Variants in ABCA10 observed in about 807,000 individuals in gnomAD.
The protein encoded by ABCA10 is ATP-binding cassette sub-family A member 10.
A neutral mutation model predicts 187.5 loss-of-function variants in ABCA10; 169 were observed. The observed-to-expected ratio is 0.90, with a 90% CI of 0.80 to 1.02. The LOEUF (loss-of-function observed/expected upper bound fraction) is 1.02. ABCA10 is among the 50% of genes least tolerant of loss of function. The probability of loss-of-function intolerance (pLI) is 0.00; values close to 1 mark genes in which losing one functional copy is unlikely to be tolerated. For synonymous variants in ABCA10, 574 were observed against 601.8 expected (o/e 0.95, Z 0.68); for missense variants, 1,727 against 1,812.4 (o/e 0.95, Z 0.86).
At chr17:69,201,095 A>T (rs971303117) in intron 10 of ABCA10, among the ~76,000 whole-genome samples, 14 of 152,234 alleles carry the variant, frequency 9.2e-5, no homozygotes, top group African/African-American at 3.4e-4. Flanking sequence ...TAAATTGTGA[A>T]GAGACCTTTT....
At chr17:69,222,047 G>A (rs913919529) in intron 4 of ABCA10, 152 bp from the exon 5 acceptor site, 30 of 619,788 alleles carry the variant, frequency 4.8e-5, no homozygotes, top group Non-Finnish European at 7.2e-5. Context: ...GTACTCTACA[G>A]AATTGGAGAA....
At chr17:69,151,122 C>A (rs1568046929) in intron 36 of ABCA10, among the ~76,000 whole-genome samples, 1 of 152,204 alleles carries the variant, frequency 6.6e-6, no homozygotes, top group Non-Finnish European at 1.5e-5. Context: ...GTCTACATCT[C>A]TTACTTTGGC....
In ABCA10 at chr17:69,149,988, C is replaced by A. The variant is rs1188662546; in HGVS notation, c.4473G>T (p.Glu1491Asp). ...TTTATATATACCCAAACTTACTCGCCTCTAACTTGAAAAAGGCCCGAGATA... is the reference window on the plus strand; with the variant it reads ...TTTATATATACCCAAACTTACTCGCATCTAACTTGAAAAAGGCCCGAGATA... ...HPLSRAFFKLEAMKQTFNLEE... is the reference protein window; with the variant it reads ...HPLSRAFFKLDAMKQTFNLEE... The change falls in exon 37 of 39, where the codon GAG becomes GAT. Residue 1491 changes from glutamate to aspartate, a missense_variant. Glu to Asp is a conservative substitution (Grantham distance 45, BLOSUM62 2). Coordinates refer to ENST00000690296, the MANE Select transcript of ABCA10 (RefSeq NM_001377321.1). 6.2e-7 allele frequency: 1 copy of A among 1,609,830 alleles called. No homozygotes were observed. Among genetic ancestry groups the A allele is most frequent in the Non-Finnish European group, 8.5e-7 (1 of 1,176,680 alleles).
intron 1 of ABCA10, chr17:69,235,126 T>C (rs2074859122): frequency 6.6e-6 from 1 of 152,206 alleles, no homozygotes; most frequent in Admixed American, 6.5e-5. Flanking sequence ...ACAACACCAT[T>C]TCTGGAGGTT....
chr17:69,197,047 G>GGAGA lies in ABCA10; in HGVS notation c.1234+16_1234+17insTCTC. 1 of 1,550,590 alleles carries GGAGA rather than the reference G, an allele frequency of 6.4e-7. No individual in the cohort carries two copies. The highest frequency in any genetic ancestry group is 2.3e-5 in the East Asian group (1 of 43,410). On this transcript the variant is annotated intron_variant, in intron 11 of 38. Transcript: ENST00000690296. ...GGGAGAGGGAGAGGGAGAGGGAGAG[G>GGAGA]GAGTTTTTCTTTTTACCTTGCAATG...
chr17:69,187,145 C>CT (rs1286255088), intron 19 of ABCA10, among the ~76,000 whole-genome samples: 2 of 152,106 alleles, frequency 1.3e-5, no homozygotes, highest in Non-Finnish European at 2.9e-5. Context: ...ACTCCCTCAG[C>CT]TTGTAAGATA....
chr17:69,210,845 C>CATATATATATATATATATATATAT lies in ABCA10; in HGVS notation c.1006+3858_1006+3859insATATATATATATATATATATATAT, dbSNP rs1568069877. On this transcript the variant is annotated intron_variant, in intron 9 of 38. Transcript: ENST00000690296. ...ATATATATATGCCACATATTTATGCCACATATATATATATATATATGCCAT... is the reference window on the plus strand; with the variant it reads ...ATATATATATGCCACATATTTATGCCATATATATATATATATATATATATACATATATATATATATATATGCCAT... 5.1e-3 allele frequency among the ~76,000 whole-genome samples: 68 copies of CATATATATATATATATATATATAT among 13,228 alleles called. 1 individual carries two copies. The highest frequency in any genetic ancestry group is 0.027 in the African/African-American group (64 of 2,352). The allele number at this position is 13,228 out of a possible 152,430, so 8.7% of individuals were successfully genotyped here.
rs374670778 is a variant in ABCA10, at chr17:69,193,227, T to A, written c.1663A>T (p.Thr555Ser). The A allele has an allele frequency of 5.6e-6, 9 of 1,613,686 alleles. No homozygotes were observed. Among genetic ancestry groups the A allele is most frequent in the East Asian group, 4.5e-5 (2 of 44,872 alleles). The part of the protein sequence containing the change: ...DPQVLLLDEP[T>S]AGLDPFSRHR... ...CTTGAAAAGGGATCCAATCCAGCAG[T>A]TGGTTCATCTAGCAGCAAAACCTAC... Residue 555 changes from threonine (T) to serine (S), a missense_variant, in exon 15 of 39, where the codon ACT (threonine) becomes TCT (serine). By Grantham distance (58) the Thr-to-Ser change is moderately conservative. Coordinates refer to ENST00000690296, the MANE Select transcript of ABCA10 (RefSeq NM_001377321.1).
rs529691051 is a variant in ABCA10, at chr17:69,183,373, G to A, written c.2498-565C>T. Among the ~76,000 whole-genome samples, 43 of 152,208 alleles carry A rather than the reference G, an allele frequency of 2.8e-4. 1 individual carries two copies. The South Asian group carries it at 8.5e-3, about 30-fold the overall frequency. ...TCATAGATGGAAAGGAAGTCAAGTT[G>A]GTCACAGGGAGAAGTCAAGCTATGA... On this transcript the variant is annotated intron_variant, in intron 20 of 38. Coordinates refer to ENST00000690296, the MANE Select transcript of ABCA10 (RefSeq NM_001377321.1).
Position 69,215,896 on chromosome 17 carries a change from C to T in ABCA10, c.777G>A (p.Val259=). Residue 259 remains valine, a synonymous_variant, in exon 8 of 39, where the codon GTG becomes GTA. Coordinates refer to ENST00000690296, the MANE Select transcript of ABCA10 (RefSeq NM_001377321.1). ...TVFWGCLGFT[V]LYRQLPLSLG... ...AAGATAAAGGAAGTTGTCTATATAA[C>T]ACAGTGAATCCCAGACATCCCCAAA... The T allele has an allele frequency of 1.2e-6, 2 of 1,613,944 alleles. No individual in the cohort carries two copies. The highest frequency in any genetic ancestry group is 1.1e-5 in the South Asian group (1 of 91,066).
intron 13 of ABCA10, 69 bp downstream of exon 13, chr17:69,193,745 T>G (rs1050551488): frequency 4.1e-5 from 64 of 1,575,894 alleles, no homozygotes; most frequent in Admixed American, 5.8e-5. Context: ...GAGTAATAGC[T>G]GAACAAAAAA....
In ABCA10 at chr17:69,174,278, T is replaced by G. The variant is rs1465957570; in HGVS notation, c.3162+3A>C. 23 of 1,572,372 alleles carry G rather than the reference T, an allele frequency of 1.5e-5. No homozygotes were observed. The highest frequency in any genetic ancestry group is 2.8e-5 in the African/African-American group (2 of 72,668). On this transcript the variant is annotated splice_donor_region_variant and intron_variant, in intron 25 of 38. Transcript: ENST00000690296. ...AAATGTGCACGCATGTATATATACT[T>G]ACAATAAAAAAGCCAAAAGACCAAA...
Position 69,150,026 on chromosome 17 carries a change from C to T in ABCA10, c.4435G>A (p.Asp1479Asn), listed in dbSNP as rs1453611474. Residue 1479 changes from aspartate to asparagine, a missense_variant, in exon 37 of 39, where the codon GAT (aspartate) becomes AAT (asparagine). Transcript: ENST00000690296. Reference protein sequence around the residue: ...SLMAYKLPVEDVHPLSRAFFK... With the variant: ...SLMAYKLPVENVHPLSRAFFK... Reference sequence around the variant, plus strand: ...AAGGCCCGAGATAGAGGGTGGACATCCTCCACAGGTAACTTATACGCCATT... The same window carrying T: ...AAGGCCCGAGATAGAGGGTGGACATTCTCCACAGGTAACTTATACGCCATT... The T allele has an allele frequency of 1.2e-6, 2 of 1,613,096 alleles. No homozygotes were observed. Among genetic ancestry groups the T allele is most frequent in the Admixed American group, 1.7e-5 (1 of 59,922 alleles).
intron 34 of ABCA10, among the ~76,000 whole-genome samples, chr17:69,152,776 G>A (rs1279947287): frequency 1.3e-5 from 2 of 149,330 alleles, no homozygotes; most frequent in African/African-American, 4.9e-5. Flanking sequence ...GATGGAGAAA[G>A]ACCCTGTGTC....
At chr17:69,164,927 G>A in intron 26 of ABCA10, 37 bp downstream of exon 26, 2 of 1,602,126 alleles carry the variant, frequency 1.2e-6, no homozygotes, top group East Asian at 2.2e-5. Flanking sequence ...TGGGCTACAA[G>A]GTCAAGACTG....
At chr17:69,239,480 T>C (rs1400080793) in intron 1 of ABCA10, among the ~76,000 whole-genome samples, 1 of 152,162 alleles carries the variant, frequency 6.6e-6, no homozygotes, top group Non-Finnish European at 1.5e-5. Flanking sequence ...TTTCTGGTAG[T>C]ATTGAGCTTT....
At chr17:69,212,682 C>A (rs766235167) in intron 9 of ABCA10, among the ~76,000 whole-genome samples, 9 of 152,152 alleles carry the variant, frequency 5.9e-5, no homozygotes, top group Non-Finnish European at 1.0e-4. Context: ...TGACATTTTC[C>A]TGTTGGACTA....
intron 5 of ABCA10, among the ~76,000 whole-genome samples, chr17:69,220,391 A>G (rs769374446): frequency 3.3e-5 from 5 of 152,188 alleles, no homozygotes; most frequent in Non-Finnish European, 5.9e-5. Flanking sequence ...GAAGAAATAA[A>G]CCACTCCCAT....
intron 9 of ABCA10, among the ~76,000 whole-genome samples, chr17:69,206,198 C>T (rs1176569285): frequency 6.6e-6 from 1 of 152,108 alleles, no homozygotes; most frequent in Non-Finnish European, 1.5e-5. Context: ...TAGGTAGATA[C>T]AAATGACACA....
Sources: gnomAD v4.1 joint callset for allele counts (sites outside exome capture counted in the v4.1 genomes callset) on GRCh38, gnomAD v4.1.1 for gene constraint, MANE v1.5 for transcripts, NCBI Gene and HGNC (gene_info 2026-07-23, HGNC 2026-07-21) for gene names.